Variants in SNX4 observed in about 807,000 individuals in gnomAD.
The protein encoded by SNX4 is sorting nexin-4.
Under a neutral mutation model 70.8 loss-of-function variants are expected in SNX4, and 49 were observed. The ratio of observed to expected loss-of-function variants is 0.69; its 90% CI spans 0.55 to 0.88. The LOEUF (loss-of-function observed/expected upper bound fraction) is 0.88, where lower values mean the gene tolerates loss of function less well. Ranked by LOEUF, SNX4 falls within the 40% of genes least tolerant of loss-of-function variation. The pLI is 0.00. For missense variants in SNX4, 528 were observed against 544.8 expected (o/e 0.97, Z 0.31); for synonymous variants, 206 against 183.8 (o/e 1.12, Z -0.98).
At chr3:125,487,358 T>C (rs940104388) in intron 6 of SNX4, among the ~76,000 whole-genome samples, 5 of 152,090 alleles carry the variant, frequency 3.3e-5, no homozygotes, top group African/African-American at 1.2e-4. Context: ...AAACTTAAAA[T>C]TCTACACACA....
chr3:125,455,907 T>C (rs535448755), intron 11 of SNX4, among the ~76,000 whole-genome samples: 1 of 152,106 alleles, frequency 6.6e-6, no homozygotes, highest in African/African-American at 2.4e-5. Flanking sequence ...GTCCCAGCTA[T>C]TCAGGAGGCT....
intron 9 of SNX4, among the ~76,000 whole-genome samples, chr3:125,468,851 TA>T (rs58480078): frequency 0.41 from 55,476 of 134,028 alleles, 11,833 homozygotes; most frequent in African/African-American, 0.58. Context: ...CTAGTCTCTT[TA>T]AAAAAAAAAA....
intron 13 of SNX4, 106 bp from the exon 14 acceptor site, chr3:125,447,932 A>T: frequency 1.6e-6 from 1 of 641,636 alleles, no homozygotes; most frequent in Non-Finnish European, 2.6e-6. Context: ...AATAATTAAG[A>T]AGTCGAGAAA....
chr3:125,451,034 GGCAGGAGGA>G (rs1188777894), intron 13 of SNX4, among the ~76,000 whole-genome samples: 3 of 152,238 alleles, frequency 2.0e-5, no homozygotes, highest in Admixed American at 2.0e-4. Flanking sequence ...GGGAGGCCGA[GGCAGGAGGA>G]CTATATGAGG....
intron 11 of SNX4, among the ~76,000 whole-genome samples, 160 bp downstream of exon 11, chr3:125,457,106 A>G (rs1933736698): frequency 6.6e-6 from 1 of 152,212 alleles, no homozygotes; most frequent in Non-Finnish European, 1.5e-5. Flanking sequence ...AAGAATTATA[A>G]AGTTACTCAC....
chr3:125,486,564 T>G (rs1934538923), intron 6 of SNX4, among the ~76,000 whole-genome samples: 1 of 152,230 alleles, frequency 6.6e-6, no homozygotes, highest in East Asian at 1.9e-4. Context: ...AGGCGGAGCT[T>G]GCAGTGAGCT....
intron 2 of SNX4, among the ~76,000 whole-genome samples, chr3:125,501,885 T>A (rs1439267119): frequency 6.6e-6 from 1 of 152,252 alleles, no homozygotes; most frequent in East Asian, 1.9e-4. Flanking sequence ...GTCTAGCTAT[T>A]ACTGATGTAT....
chr3:125,487,704 T>C (rs887838418), intron 6 of SNX4, among the ~76,000 whole-genome samples: 1 of 151,320 alleles, frequency 6.6e-6, no homozygotes, highest in African/African-American at 2.4e-5. Flanking sequence ...TAGATGCAAA[T>C]TAAGTGAAAG....
At chr3:125,493,978 A>G (rs1419827126) in intron 5 of SNX4, among the ~76,000 whole-genome samples, 4 of 151,622 alleles carry the variant, frequency 2.6e-5, no homozygotes, top group Admixed American at 2.6e-4. Context: ...CGGAGCTTGT[A>G]GTGAGCAGAG....
Position 125,495,275 on chromosome 3 carries a change from T to TATATATACACACAC in SNX4, c.597+2065_597+2066insGTGTGTGTATATAT. On this transcript the variant is annotated intron_variant, in intron 5 of 13. Transcript: ENST00000251775. Reference sequence around the variant, plus strand: ...TTATATATATATATATATATATATATATACACATACACACACACACACGTA... The same window carrying TATATATACACACAC: ...TTATATATATATATATATATATATATATATATACACACACATACACATACACACACACACACGTA... Among the ~76,000 whole-genome samples the TATATATACACACAC allele has an allele frequency of 3.7e-3, 308 of 83,060 alleles. 5 individuals are homozygous for TATATATACACACAC. The highest frequency in any genetic ancestry group is 5.8e-3 in the Non-Finnish European group (221 of 38,206). The allele number at this position is 83,060 out of a possible 152,430, so 54.5% of individuals were successfully genotyped here. A position where few individuals can be genotyped will look rare whatever the true frequency, so the allele number is the denominator to read the frequency against.
chr3:125,486,890 T>A (rs116292698), intron 6 of SNX4, among the ~76,000 whole-genome samples: 2,056 of 151,998 alleles, frequency 0.014, 39 homozygotes, highest in African/African-American at 0.045. Context: ...ATCTCAAAAA[T>A]ATATATATAT....
chr3:125,485,422 C>A (rs1477173060), intron 6 of SNX4, among the ~76,000 whole-genome samples: 1 of 152,034 alleles, frequency 6.6e-6, no homozygotes, highest in East Asian at 1.9e-4. Context: ...CTCAGCCCCC[C>A]AAGTAGCTGG....
At chr3:125,466,493 G>T (rs1934023145) in intron 9 of SNX4, among the ~76,000 whole-genome samples, 1 of 152,122 alleles carries the variant, frequency 6.6e-6, no homozygotes, top group South Asian at 2.1e-4. Flanking sequence ...CACAGCAAAA[G>T]AAACTATAAA....
intron 11 of SNX4, among the ~76,000 whole-genome samples, chr3:125,455,541 A>G (rs926544684): frequency 1.3e-5 from 2 of 152,162 alleles, no homozygotes; most frequent in African/African-American, 4.8e-5. Flanking sequence ...TTCCCTTGAC[A>G]TGTAGGATAG....
chr3:125,447,752 G>A lies in SNX4; in HGVS notation c.*27C>T. On this transcript the variant is annotated 3_prime_UTR_variant, in exon 14 of 14. Transcript: ENST00000251775. ...TTGTGCTTCTGTTTTGGGGCACTTT[G>A]ATTGAAGAGAAATTCAATTCACAGG... The A allele has an allele frequency of 6.4e-7, 1 of 1,564,062 alleles. No homozygotes were observed. Among genetic ancestry groups the A allele is most frequent in the South Asian group, 1.2e-5 (1 of 83,770 alleles).
intron 1 of SNX4, among the ~76,000 whole-genome samples, chr3:125,512,772 CTTT>C (rs35641181): frequency 9.8e-5 from 14 of 142,632 alleles, no homozygotes; most frequent in East Asian, 2.0e-4. Context: ...GATACAACAA[CTTT>C]TTTTTTTTTT....
At position 125,493,769 on chromosome 3, in the gene SNX4, C is replaced by T. The variant is rs543403042; in HGVS notation, c.597+3572G>A. ...TTGCCAGCCAGGCAACAGTGGCTCA[C>T]GCCTGTAATCCCAGCACTTTGGGAG... On this transcript the variant is annotated intron_variant, in intron 5 of 13. Transcript: ENST00000251775. Among the ~76,000 whole-genome samples, 9 of 152,054 alleles carry T rather than the reference C, an allele frequency of 5.9e-5. No individual in the cohort carries two copies. The East Asian group carries it at 1.5e-3, about 26-fold the overall frequency.
chr3:125,473,485 G>A (rs932251242), intron 8 of SNX4, among the ~76,000 whole-genome samples: 3 of 151,332 alleles, frequency 2.0e-5, no homozygotes, highest in African/African-American at 4.9e-5. Flanking sequence ...GCACAATCTC[G>A]GCTCACTGCA....
At chr3:125,497,719 AAAAAT>A (rs1452622683) in intron 4 of SNX4, 110 bp downstream of exon 4, 1 of 747,902 alleles carries the variant, frequency 1.3e-6, no homozygotes, top group Non-Finnish European at 2.1e-6. Context: ...ATTCATAACA[AAAAAT>A]AAATTGCATA....
Sources: allele counts gnomAD v4.1 joint callset (sites outside exome capture counted in the v4.1 genomes callset), GRCh38; gene constraint gnomAD v4.1.1; transcripts MANE v1.5; gene names NCBI Gene and HGNC (gene_info 2026-07-23, HGNC 2026-07-21).